NBPF9: variants seen among roughly 807,000 people sequenced by gnomAD.
The protein encoded by NBPF9 is NBPF family member NBPF9.
In NBPF9, 91 loss-of-function variants were observed where a neutral mutation model predicts 97.8. That is an observed-to-expected ratio of 0.93 (90% CI 0.79 to 1.11). The LOEUF is 1.11. Ranked by LOEUF, NBPF9 falls within the 50% of genes least tolerant of loss-of-function variation. The pLI is 0.00. For missense variants in NBPF9, 992 were observed against 939.5 expected, an observed-to-expected ratio of 1.06 and a Z score of -0.73; for synonymous variants, 334 against 359.5, an observed-to-expected ratio of 0.93 and a Z score of 0.80.
intron 21 of NBPF9, 89 bp downstream of exon 21, chr1:149,062,773 C>T (rs1215971003): frequency 9.1e-6 from 7 of 772,756 alleles, no homozygotes; most frequent in Non-Finnish European, 1.7e-5. Context: ...CCGTTGAAAA[C>T]ATGAAATTGA....
In NBPF9 at chr1:149,072,608, G is replaced by C. The variant is rs1269798070; in HGVS notation, c.1306+110C>G. 8 of 1,450,188 alleles carry C rather than the reference G, an allele frequency of 5.5e-6. No individual in the cohort carries two copies. In the African/African-American group the frequency reaches 1.1e-4, roughly 20 times the overall value. 89.8% of individuals were successfully genotyped at this position (1,450,188 alleles called of 1,614,324 possible). On this transcript the variant is annotated intron_variant, in intron 14 of 29. Coordinates refer to ENST00000584027, the Ensembl canonical transcript of NBPF9. ...TCCTTGTCATGTCATGGCCACATAA[G>C]CTTAGTGGAAAAAAACACCATTGAT...
chr1:149,075,000 T>C (rs1157886932), intron 12 of NBPF9, among the ~76,000 whole-genome samples: 6 of 151,002 alleles, frequency 4.0e-5, no homozygotes, highest in African/African-American at 1.5e-4. Context: ...TTAGTGGAGA[T>C]GGGGTTTCTC....
intron 4 of NBPF9, among the ~76,000 whole-genome samples, chr1:149,097,621 G>A (rs1339065649): frequency 1.6e-4 from 25 of 152,270 alleles, no homozygotes; most frequent in Non-Finnish European, 2.6e-4. Context: ...AGGACCTGGT[G>A]GACGGCCACG....
chr1:149,095,675 T>C (rs2081709032), intron 4 of NBPF9, among the ~76,000 whole-genome samples: 1 of 143,966 alleles, frequency 6.9e-6, no homozygotes, highest in Non-Finnish European at 1.5e-5. Context: ...TAATAAGATA[T>C]ACAGATGGCA....
At chr1:149,081,596 C>T (rs1439306442) in intron 7 of NBPF9, among the ~76,000 whole-genome samples, 1 of 151,990 alleles carries the variant, frequency 6.6e-6, no homozygotes, top group Non-Finnish European at 1.5e-5. Context: ...TAAAAGTTCA[C>T]TAGTCCTAGA....
Position 149,059,366 on chromosome 1 carries a change from G to A in NBPF9, c.2586-269C>T, listed in dbSNP as rs1194931864. The A allele has an allele frequency of 1.8e-5, 8 of 446,668 alleles. 2 individuals carry two copies. The African/African-American group carries it at 2.0e-4, about 11-fold the overall frequency. 27.7% of individuals were successfully genotyped at this position (446,668 alleles called of 1,614,324 possible). On this transcript the variant is annotated intron_variant, in intron 25 of 29. Transcript: ENST00000584027. ...TGACACACTGATGAAGGAGTAAAAGGACACTCTGAGTTCGTGCCCTCATGA... is the reference window on the plus strand; with the variant it reads ...TGACACACTGATGAAGGAGTAAAAGAACACTCTGAGTTCGTGCCCTCATGA...
chr1:149,064,671 C>A, intron 18 of NBPF9, 189 bp from the exon 19 acceptor site: 1 of 611,090 alleles, frequency 1.6e-6, no homozygotes, highest in East Asian at 2.8e-5. Flanking sequence ...TTTCATGAGC[C>A]TTGGGCAAAA....
chr1:149,079,665 C>T (rs2080236397), intron 8 of NBPF9, among the ~76,000 whole-genome samples: 1 of 150,684 alleles, frequency 6.6e-6, no homozygotes, highest in African/African-American at 2.4e-5. Context: ...GTCGAGAAGG[C>T]AACATTGATT....
Position 149,055,978 on chromosome 1 carries a change from A to G in NBPF9, c.3093-79T>C, listed in dbSNP as rs373876666. On this transcript the variant is annotated intron_variant, in intron 29 of 29. Transcript: ENST00000584027. ...AGCCCCACTAGATTTCAGAAGTAAC[A>G]TAAGGAAGTGGTTAGAAAAGAAAAA... The G allele has an allele frequency of 3.4e-5, 54 of 1,611,408 alleles. No individual in the cohort carries two copies. In the African/African-American group the frequency reaches 4.9e-4, roughly 15 times the overall value.
At chr1:149,064,035 C>CAA (rs66669931) in intron 19 of NBPF9, among the ~76,000 whole-genome samples, 7 of 133,022 alleles carry the variant, frequency 5.3e-5, no homozygotes, top group Non-Finnish European at 8.1e-5. Context: ...CACACACACA[C>CAA]ACAGAGCGAG....
intron 5 of NBPF9, among the ~76,000 whole-genome samples, chr1:149,088,211 C>T (rs1553659209): frequency 1.3e-5 from 2 of 152,270 alleles, no homozygotes; most frequent in Non-Finnish European, 2.9e-5. Flanking sequence ...TTTCCAAATG[C>T]TCATTGCTAA....
Position 149,055,733 on chromosome 1 carries a change from C to T in NBPF9, c.3259G>A (p.Val1087Met), listed in dbSNP as rs376299731. 77 of 1,611,682 alleles carry T rather than the reference C, an allele frequency of 4.8e-5. No individual in the cohort carries two copies. The East Asian group carries it at 6.9e-4, about 14-fold the overall frequency. The change falls in exon 30 of 30, where the codon GTG becomes ATG. Residue 1087 changes from valine to methionine, a missense_variant. Physicochemically the swap from Val to Met is conservative, Grantham distance 21. Coordinates refer to ENST00000584027, the Ensembl canonical transcript of NBPF9. ...GTCAAAGTAAAAAACCTATTGTCCACGTAAAGGGCGAAGCTGATGTGCTGT... is the reference window on the plus strand; with the variant it reads ...GTCAAAGTAAAAAACCTATTGTCCATGTAAAGGGCGAAGCTGATGTGCTGT...
chr1:149,099,636 A>G (rs2082013974), intron 3 of NBPF9, among the ~76,000 whole-genome samples: 1 of 152,244 alleles, frequency 6.6e-6, no homozygotes, highest in Admixed American at 6.5e-5. Flanking sequence ...TTCATAAATA[A>G]TAGCTGTTAA....
rs782630556 is a variant in NBPF9 at position 149,077,861 on chromosome 1, G to C, written c.566+22C>G. The C allele has an allele frequency of 1.1e-5, 18 of 1,586,534 alleles. No individual in the cohort carries two copies. In the East Asian group the frequency reaches 1.6e-4, roughly 14 times the overall value. ...CTTCATATGTTACCACCCATTACTT[G>C]CTCCTGAGTATTCAGTGTTACCTGG... On this transcript the variant is annotated intron_variant, in intron 10 of 29. Transcript: ENST00000584027.
chr1:149,053,648 T>C (rs1337523322), downstream of NBPF9, among the ~76,000 whole-genome samples: 3,308 of 133,472 alleles, frequency 0.025, no homozygotes, highest in African/African-American at 0.11. Flanking sequence ...ATGTCACCGG[T>C]ATATGTTTAG....
At chr1:149,069,750 A>C (rs1194226754) in intron 16 of NBPF9, 105 bp from the exon 17 acceptor site, 9 of 784,366 alleles carry the variant, frequency 1.1e-5, no homozygotes, top group Non-Finnish European at 1.4e-5. Context: ...TCTCAGTGCA[A>C]GAATAAGGAT....
At chr1:149,064,993 C>A (rs1257620679) in intron 18 of NBPF9, 3 of 542,098 alleles carry the variant, frequency 5.5e-6, no homozygotes, top group African/African-American at 3.9e-5. Flanking sequence ...GAAAACATAC[C>A]AGGAACATGA....
chr1:149,097,096 GGA>G (rs2081824727), intron 4 of NBPF9, among the ~76,000 whole-genome samples: 1 of 149,396 alleles, frequency 6.7e-6, no homozygotes, highest in Non-Finnish European at 1.5e-5. Flanking sequence ...AAGGAAGGAA[GGA>G]AGGGAGGGAG....
intron 8 of NBPF9, among the ~76,000 whole-genome samples, chr1:149,079,482 C>A (rs1227779427): frequency 6.6e-6 from 1 of 151,190 alleles, no homozygotes; most frequent in Admixed American, 6.6e-5. Context: ...AGGTGTCTTC[C>A]TAATTCCCTT....
Sources: allele counts gnomAD v4.1 joint callset (sites outside exome capture counted in the v4.1 genomes callset), GRCh38; gene constraint gnomAD v4.1.1; transcripts MANE v1.5; gene names NCBI Gene and HGNC (gene_info 2026-07-23, HGNC 2026-07-21).